Variants in NOVA2 observed in about 807,000 individuals in gnomAD.
NOVA2 encodes the protein RNA-binding protein Nova-2.
In NOVA2, 9 loss-of-function variants were observed where a neutral mutation model predicts 22.5. That is an observed-to-expected ratio of 0.40 (90% CI 0.24 to 0.70). The LOEUF (loss-of-function observed/expected upper bound fraction) is 0.70. NOVA2 is among the 30% of genes least tolerant of loss of function. NOVA2 has a pLI of 0.38. For missense variants in NOVA2, 383 were observed against 682.8 expected (o/e 0.56, Z 4.89); for synonymous variants, 318 against 335.2 (o/e 0.95, Z 0.56).
chr19:45,950,262 G>A (rs757113983), intron 3 of NOVA2, among the ~76,000 whole-genome samples: 25 of 151,566 alleles, frequency 1.6e-4, no homozygotes, highest in Non-Finnish European at 3.5e-4. Flanking sequence ...AGGTTCAAGC[G>A]ATTCTTCTGC....
chr19:45,948,237 CTA>C, intron 3 of NOVA2, among the ~76,000 whole-genome samples: 1 of 152,038 alleles, frequency 6.6e-6, no homozygotes, highest in Non-Finnish European at 1.5e-5. Flanking sequence ...TGCTGAGCAC[CTA>C]CTATGTGCCA....
chr19:45,945,095 AG>A, intron 3 of NOVA2, among the ~76,000 whole-genome samples: 1 of 152,230 alleles, frequency 6.6e-6, no homozygotes, highest in African/African-American at 2.4e-5. Context: ...GCTTGAGCCC[AG>A]GAATTAGAGA....
Position 45,961,115 on chromosome 19 carries a change from A to G in NOVA2, c.124T>C (p.Tyr42His), listed in dbSNP as rs1322971182. 1.9e-6 allele frequency: 3 copies of G among 1,598,816 alleles called. No homozygotes were observed. Among genetic ancestry groups the G allele is most frequent in the Admixed American group, 1.7e-5 (1 of 57,794 alleles). Residue 42 changes from tyrosine to histidine, a missense_variant, in exon 2 of 4, where the codon TAC becomes CAC. Transcript: ENST00000263257. ...EYFLKVLIPS[Y>H]AAGSIIGKGG... is the part of the protein sequence containing the mutation. ...TTGCCAATGATGGAGCCCGCCGCGTAGCTGGGGATCAGCACCTTCAGGAAG... is the reference window on the plus strand; with the variant it reads ...TTGCCAATGATGGAGCCCGCCGCGTGGCTGGGGATCAGCACCTTCAGGAAG...
At chr19:45,941,118 C>CAT (rs1967750696) in intron 3 of NOVA2, among the ~76,000 whole-genome samples, 173 bp from the exon 4 acceptor site, 1 of 151,692 alleles carries the variant, frequency 6.6e-6, no homozygotes, top group African/African-American at 2.4e-5. Context: ...GGTGAAACTC[C>CAT]GTCTCTAGTA....
At chr19:45,954,515 G>A (rs1175007705) in intron 2 of NOVA2, among the ~76,000 whole-genome samples, 1 of 151,854 alleles carries the variant, frequency 6.6e-6, no homozygotes, top group African/African-American at 2.4e-5. Flanking sequence ...AGAGCTGGGG[G>A]ATGGGGGAGG....
Position 45,939,822 on chromosome 19 carries a change from G to T in NOVA2, c.*41C>A. On this transcript the variant is annotated 3_prime_UTR_variant, in exon 4 of 4. Transcript: ENST00000263257. ...GGGAGGAGGAGAGGGAAGAGGAGGAGATGGGAGGAGAGAAAAGGGTGGGAG... is the reference window on the plus strand; with the variant it reads ...GGGAGGAGGAGAGGGAAGAGGAGGATATGGGAGGAGAGAAAAGGGTGGGAG... 1 of 1,610,638 alleles carries T rather than the reference G, an allele frequency of 6.2e-7. No homozygotes were observed. The highest frequency in any genetic ancestry group is 8.5e-7 in the Non-Finnish European group (1 of 1,177,972).
chr19:45,971,923 C>T (rs952329329), intron 1 of NOVA2, among the ~76,000 whole-genome samples: 1 of 152,052 alleles, frequency 6.6e-6, no homozygotes, highest in East Asian at 1.9e-4. Context: ...ACACACACCT[C>T]CTTGGGTCAC....
chr19:45,970,666 G>T lies in NOVA2; in HGVS notation c.85+2601C>A, dbSNP rs538092909. ...GCTGGGATTACAGGCATGAGCTACT[G>T]TGCCCAGCCCCTTATGGTCATTTTT... is the stretch of plus-strand genomic sequence containing the variant. On this transcript the variant is annotated intron_variant, in intron 1 of 3. Coordinates refer to ENST00000263257, the MANE Select transcript of NOVA2 (RefSeq NM_002516.4). 4.6e-5 allele frequency among the ~76,000 whole-genome samples: 7 copies of T among 152,214 alleles called. No individual in the cohort carries two copies. The South Asian group carries it at 1.5e-3, about 32-fold the overall frequency.
chr19:45,936,063 G>A lies in NOVA2; in HGVS notation c.*3800C>T, dbSNP rs10424197. Reference sequence around the variant, plus strand: ...GTGAAGCCTCCTTGCCCATGTAGAGGTGGCTGGGACAGGGCAGAAGAAGGT... The same window carrying A: ...GTGAAGCCTCCTTGCCCATGTAGAGATGGCTGGGACAGGGCAGAAGAAGGT... On this transcript the variant is annotated 3_prime_UTR_variant, in exon 4 of 4. Transcript: ENST00000263257. 98,020 of 152,198 alleles carry A rather than the reference G, an allele frequency of 0.64. 31,915 individuals carry two copies. Among genetic ancestry groups the A allele is most frequent in the South Asian group, 0.67 (3,235 of 4,822 alleles). 9.4% of individuals were successfully genotyped at this position (152,198 alleles called of 1,614,324 possible). A position where few individuals can be genotyped will look rare whatever the true frequency, so the allele number is the denominator to read the frequency against.
intron 3 of NOVA2, among the ~76,000 whole-genome samples, chr19:45,950,916 T>G (rs929897690): frequency 9.8e-5 from 15 of 152,318 alleles, no homozygotes; most frequent in African/African-American, 3.4e-4. Context: ...AGAAAGAACT[T>G]GCACAAGTTC....
intron 2 of NOVA2, among the ~76,000 whole-genome samples, chr19:45,955,458 G>A (rs148142798): frequency 9.2e-5 from 14 of 152,252 alleles, no homozygotes; most frequent in Non-Finnish European, 1.6e-4. Flanking sequence ...AACTTGACTG[G>A]TCAGTGTGAG....
In NOVA2 at chr19:45,935,660, GCA is replaced by G. The variant is rs961160129; in HGVS notation, c.*4201_*4202del. The G allele has an allele frequency of 6.6e-6, 1 of 152,322 alleles. No homozygotes were observed. The highest frequency in any genetic ancestry group is 1.5e-5 in the Non-Finnish European group (1 of 68,078). The allele number at this position is 152,322 out of a possible 1,614,324, so 9.4% of individuals were successfully genotyped here. ...CACTCTTGTTAATACTTTTGCCACT[GCA>G]CAGTCTATCACAGCCTCTAATCCCG... On this transcript the variant is annotated 3_prime_UTR_variant, in exon 4 of 4. Transcript: ENST00000263257.
At chr19:45,946,941 CAT>C (rs1967850230) in intron 3 of NOVA2, among the ~76,000 whole-genome samples, 1 of 151,110 alleles carries the variant, frequency 6.6e-6, no homozygotes, top group African/African-American at 2.4e-5. Flanking sequence ...CATGCATGCA[CAT>C]GTGTTCATGC....
intron 1 of NOVA2, among the ~76,000 whole-genome samples, chr19:45,969,488 A>AGT (rs1968206772): frequency 7.6e-6 from 1 of 131,224 alleles, no homozygotes; most frequent in Admixed American, 8.9e-5. Flanking sequence ...AGCCTGGGTG[A>AGT]CAGAGTGAGA....
intron 3 of NOVA2, among the ~76,000 whole-genome samples, chr19:45,952,497 C>T (rs943091003): frequency 2.6e-5 from 4 of 152,224 alleles, no homozygotes; most frequent in African/African-American, 4.8e-5. Flanking sequence ...CTTTCGACTC[C>T]ACTGTCTCAG....
chr19:45,939,742 C>A lies in NOVA2; in HGVS notation c.*121G>T. 1 of 1,334,474 alleles carries A rather than the reference C, an allele frequency of 7.5e-7. No individual in the cohort carries two copies. Among genetic ancestry groups the A allele is most frequent in the South Asian group, 1.3e-5 (1 of 76,124 alleles). The allele number at this position is 1,334,474 out of a possible 1,614,324, so 82.7% of individuals were successfully genotyped here. A position where few individuals can be genotyped will look rare whatever the true frequency, so the allele number is the denominator to read the frequency against. ...AGGGGAGGGTGCAGTCGGGCCTACC[C>A]CAGCCCCATCCCAAGAGGAGCAGGA... On this transcript the variant is annotated 3_prime_UTR_variant, in exon 4 of 4. Transcript: ENST00000263257.
chr19:45,960,446 G>T (rs1245993832), intron 2 of NOVA2, among the ~76,000 whole-genome samples: 2 of 151,636 alleles, frequency 1.3e-5, no homozygotes, highest in Non-Finnish European at 2.9e-5. Context: ...GAGATGGGGG[G>T]TATCCAAACA....
In NOVA2 at chr19:45,946,091, G is replaced by A. The variant is rs146948159; in HGVS notation, c.397-5146C>T. ...ACGCTGAGGTGGGCAGATCGCTTGA[G>A]CTCACAAGTTGTACAGCCTGGACAA... On this transcript the variant is annotated intron_variant, in intron 3 of 3. Coordinates refer to ENST00000263257, the MANE Select transcript of NOVA2 (RefSeq NM_002516.4). 3.2e-3 allele frequency among the ~76,000 whole-genome samples: 488 copies of A among 151,348 alleles called. 4 individuals are homozygous for A. Among genetic ancestry groups the A allele is most frequent in the African/African-American group, 0.011 (457 of 41,194 alleles).
chr19:45,960,862 C>G, intron 2 of NOVA2, 148 bp downstream of exon 2: 1 of 821,996 alleles, frequency 1.2e-6, no homozygotes, highest in Non-Finnish European at 1.9e-6. Context: ...CTGGGGGCAG[C>G]TCTGTCCCCT....
Sources: allele counts gnomAD v4.1 joint callset (sites outside exome capture counted in the v4.1 genomes callset), GRCh38; gene constraint gnomAD v4.1.1; transcripts MANE v1.5; gene names NCBI Gene and HGNC (gene_info 2026-07-23, HGNC 2026-07-21).